The following PTPN1 variants were observed in gnomAD, a reference collection of about 807,000 sequenced individuals.
PTPN1 encodes the protein protein tyrosine phosphatase non-receptor type 1.
In PTPN1, 12 loss-of-function variants were observed where a neutral mutation model predicts 59.9. The ratio of observed to expected loss-of-function variants is 0.20; its 90% CI spans 0.13 to 0.32. The LOEUF is 0.32. PTPN1 is among the 10% of genes least tolerant of loss of function. The pLI, the probability that PTPN1 is intolerant of heterozygous loss-of-function variation, is 1.00. For missense variants in PTPN1, 356 were observed against 549.2 expected (o/e 0.65, Z 3.52); for synonymous variants, 178 against 203.6 (o/e 0.87, Z 1.07).
intron 1 of PTPN1, among the ~76,000 whole-genome samples, chr20:50,553,123 C>G (rs530583529): frequency 1.3e-5 from 2 of 152,258 alleles, no homozygotes; most frequent in African/African-American, 4.8e-5. Context: ...TTTGCTGTAG[C>G]TCCAATATTC....
At chr20:50,553,104 G>A (rs1486330553) in intron 1 of PTPN1, among the ~76,000 whole-genome samples, 1 of 151,906 alleles carries the variant, frequency 6.6e-6, no homozygotes, top group African/African-American at 2.4e-5. Flanking sequence ...GAATTTTTAT[G>A]TTTGGTTCTT....
Position 50,581,355 on chromosome 20 carries a change from A to C in PTPN1, c.1179A>C (p.Ser393=). 1 of 1,614,162 alleles carries C rather than the reference A, an allele frequency of 6.2e-7. No individual in the cohort carries two copies. Among genetic ancestry groups the C allele is most frequent in the Non-Finnish European group, 8.5e-7 (1 of 1,179,984 alleles). Residue 393 remains serine, a synonymous_variant, in exon 9 of 10, where the codon TCA becomes TCC. Transcript: ENST00000371621. ...CCTCCCCAGCCAAAGGGGAGCCGTC[A>C]CTGCCCGAGAAGGACGAGGACCATG... ...QAASPAKGEP[S]LPEKDEDHAL...
At chr20:50,534,351 C>T (rs1196600688) in intron 1 of PTPN1, among the ~76,000 whole-genome samples, 3 of 152,214 alleles carry the variant, frequency 2.0e-5, no homozygotes, top group Admixed American at 6.5e-5. Context: ...CAGAAAATCA[C>T]TCAAGCACTT....
chr20:50,582,921 T>C lies in PTPN1; in HGVS notation c.*206T>C. ...CCTTTTACTTTTTGCCCCTTCCACT[T>C]TGAGTACCAAATCCACAAGCCATTT... On this transcript the variant is annotated 3_prime_UTR_variant, in exon 10 of 10. Transcript: ENST00000371621. The surrounding 1 kb of genome is among the most constrained non-coding windows in gnomAD (Gnocchi z 4.2). 1.6e-6 allele frequency: 1 copy of C among 614,800 alleles called. No homozygotes were observed. Among genetic ancestry groups the C allele is most frequent in the Non-Finnish European group, 2.9e-6 (1 of 346,922 alleles). The allele number at this position is 614,800 out of a possible 1,614,324, so 38.1% of individuals were successfully genotyped here.
chr20:50,574,446 T>G, intron 4 of PTPN1, 71 bp from the exon 5 acceptor site: 1 of 1,433,052 alleles, frequency 7.0e-7, no homozygotes, highest in Non-Finnish European at 9.3e-7. Context: ...TTGTGGGATG[T>G]GCTCCAAGCC....
chr20:50,559,097 A>C (rs146837437), intron 1 of PTPN1, among the ~76,000 whole-genome samples: 1 of 145,502 alleles, frequency 6.9e-6, no homozygotes, highest in Non-Finnish European at 1.5e-5. Flanking sequence ...AGTGGCGCCA[A>C]CTCGGCTCAC....
chr20:50,584,343 ATGTAG>A lies in PTPN1; in HGVS notation c.*1630_*1634del, dbSNP rs1457441793. 6.6e-6 allele frequency: 1 copy of A among 152,494 alleles called. No individual in the cohort carries two copies. Among genetic ancestry groups the A allele is most frequent in the Non-Finnish European group, 1.5e-5 (1 of 68,038 alleles). 9.4% of individuals were successfully genotyped at this position (152,494 alleles called of 1,614,324 possible). On this transcript the variant is annotated 3_prime_UTR_variant, in exon 10 of 10. Transcript: ENST00000371621. ...TGTTGTTTTTAAGTCCTGTATATGT[ATGTAG>A]TAGTTTGGGTGTGTATATATAGTAG...
chr20:50,574,766 C>G, intron 5 of PTPN1, 112 bp downstream of exon 5: 1 of 1,361,942 alleles, frequency 7.3e-7, no homozygotes, highest in Non-Finnish European at 1.0e-6. Flanking sequence ...TTGTATACCC[C>G]GAGCAAGATG....
At chr20:50,520,852 A>G (rs997750308) in intron 1 of PTPN1, among the ~76,000 whole-genome samples, 3 of 152,230 alleles carry the variant, frequency 2.0e-5, no homozygotes, top group African/African-American at 7.2e-5. Flanking sequence ...GAGGAGTTGC[A>G]TACAGGATCT....
intron 3 of PTPN1, among the ~76,000 whole-genome samples, chr20:50,567,341 C>T (rs1440721209): frequency 6.6e-6 from 1 of 151,936 alleles, no homozygotes; most frequent in African/African-American, 2.4e-5. Context: ...ACAGGAGAAT[C>T]GCTTGAGCCC....
intron 2 of PTPN1, chr20:50,563,166 A>G (rs2082761076): frequency 6.6e-6 from 1 of 151,068 alleles, no homozygotes; most frequent in African/African-American, 2.4e-5. Flanking sequence ...TTCACTCCCA[A>G]TCTCACTCCT....
intron 1 of PTPN1, among the ~76,000 whole-genome samples, chr20:50,532,281 G>A (rs905152205): frequency 1.3e-5 from 2 of 152,196 alleles, no homozygotes; most frequent in Non-Finnish European, 2.9e-5. Flanking sequence ...GCCATGGCTA[G>A]TCTTACATGT....
At chr20:50,579,545 C>CT (rs1568798128) in intron 7 of PTPN1, among the ~76,000 whole-genome samples, 158 bp from the exon 8 acceptor site, 1 of 152,240 alleles carries the variant, frequency 6.6e-6, no homozygotes, top group African/African-American at 2.4e-5. Flanking sequence ...GAAGACGAGA[C>CT]TTTATTTTCA....
chr20:50,562,732 TAAAAAC>T (rs1024299986), intron 2 of PTPN1, among the ~76,000 whole-genome samples: 25 of 152,110 alleles, frequency 1.6e-4, no homozygotes, highest in African/African-American at 6.0e-4. Context: ...GATATTTGTT[TAAAAAC>T]AAAAACAAAA....
chr20:50,533,538 A>G (rs1001843047), intron 1 of PTPN1, among the ~76,000 whole-genome samples: 4 of 150,342 alleles, frequency 2.7e-5, no homozygotes, highest in Admixed American at 2.0e-4. Context: ...ATTGCTAGCC[A>G]GTGAAGATGC....
At chr20:50,548,553 G>T (rs2122760906) in intron 1 of PTPN1, among the ~76,000 whole-genome samples, 1 of 151,842 alleles carries the variant, frequency 6.6e-6, no homozygotes, top group East Asian at 1.9e-4. Flanking sequence ...AGCCTCCCAG[G>T]TAGCTAGGAA....
intron 1 of PTPN1, among the ~76,000 whole-genome samples, chr20:50,542,458 T>A (rs1467585383): frequency 2.0e-5 from 3 of 152,234 alleles, no homozygotes; most frequent in African/African-American, 7.2e-5. Context: ...TTGTTCATCC[T>A]GATTTTTGCA....
intron 1 of PTPN1, among the ~76,000 whole-genome samples, chr20:50,552,279 C>G (rs748044720): frequency 6.6e-6 from 1 of 152,170 alleles, no homozygotes; most frequent in African/African-American, 2.4e-5. Context: ...AAGACTTGTA[C>G]TCAGAGTATG....
chr20:50,549,600 A>G (rs1390978794), intron 1 of PTPN1, among the ~76,000 whole-genome samples: 4 of 152,098 alleles, frequency 2.6e-5, no homozygotes, highest in Non-Finnish European at 5.9e-5. Context: ...TCCTCCCCTC[A>G]ACCCCTGTCT....
Sources: gnomAD v4.1 joint callset for allele counts (sites outside exome capture counted in the v4.1 genomes callset) on GRCh38, gnomAD v4.1.1 for gene constraint, Gnocchi (gnomAD v3.1) non-coding constraint, MANE v1.5 for transcripts, NCBI Gene and HGNC (gene_info 2026-07-23, HGNC 2026-07-21) for gene names.